The following IQCM variants were observed in gnomAD, a reference collection of about 807,000 sequenced individuals.
IQCM encodes IQ motif containing M.
A neutral mutation model predicts 57.6 loss-of-function variants in IQCM; 45 were observed. The observed-to-expected ratio is 0.78, with a 90% confidence interval of 0.62 to 1.00. The LOEUF (loss-of-function observed/expected upper bound fraction) is 1.00. Ranked by LOEUF, IQCM falls within the 50% of genes least tolerant of loss-of-function variation. The pLI, the probability that IQCM is intolerant of heterozygous loss-of-function variation, is 0.00. For missense variants in IQCM, 468 were observed against 511.6 expected, an observed-to-expected ratio of 0.91 and a Z score of 0.82; for synonymous variants, 148 against 158.9, an observed-to-expected ratio of 0.93 and a Z score of 0.51.
intron 12 of IQCM, among the ~76,000 whole-genome samples, chr4:149,466,905 A>T (rs1738913096): frequency 6.6e-6 from 1 of 152,168 alleles, no homozygotes; most frequent in Non-Finnish European, 1.5e-5. Flanking sequence ...ACAAGACAGA[A>T]GGGACAAAAA....
At chr4:149,805,238 T>C (rs1193020823) in intron 2 of IQCM, among the ~76,000 whole-genome samples, 1 of 152,150 alleles carries the variant, frequency 6.6e-6, no homozygotes, top group African/African-American at 2.4e-5. Context: ...CTATACTGTA[T>C]ATCTACAGTG....
At chr4:149,577,879 T>C (rs1423438864) in intron 9 of IQCM, among the ~76,000 whole-genome samples, 1 of 151,926 alleles carries the variant, frequency 6.6e-6, no homozygotes, top group Non-Finnish European at 1.5e-5. Flanking sequence ...TTCATTTGTT[T>C]GGGTCATCCT....
At chr4:149,488,848 A>C (rs150747994) in intron 12 of IQCM, among the ~76,000 whole-genome samples, 1 of 152,312 alleles carries the variant, frequency 6.6e-6, no homozygotes, top group African/African-American at 2.4e-5. Flanking sequence ...AGGTAACATC[A>C]GCTGATAAAT....
At chr4:149,438,977 T>G (rs1735643055) in intron 12 of IQCM, among the ~76,000 whole-genome samples, 2 of 151,968 alleles carry the variant, frequency 1.3e-5, no homozygotes, top group South Asian at 4.1e-4. Context: ...AATAATAATA[T>G]AAAATGAGGT....
chr4:149,701,768 T>G (rs938580733), intron 5 of IQCM, among the ~76,000 whole-genome samples: 1 of 152,034 alleles, frequency 6.6e-6, no homozygotes, highest in African/African-American at 2.4e-5. Flanking sequence ...GGAATTTTTG[T>G]TTCATTAACA....
intron 13 of IQCM, among the ~76,000 whole-genome samples, chr4:149,419,737 A>G (rs1733995643): frequency 6.6e-6 from 1 of 152,146 alleles, no homozygotes; most frequent in South Asian, 2.1e-4. Context: ...CTTGCAATCT[A>G]CCCATCTGAC....
At chr4:149,552,037 C>G (rs929423773) in intron 11 of IQCM, among the ~76,000 whole-genome samples, 1 of 152,148 alleles carries the variant, frequency 6.6e-6, no homozygotes, top group Admixed American at 6.6e-5. Flanking sequence ...AAAACAATCT[C>G]TCTCTCTTTT....
At chr4:149,397,809 T>C (rs1308808670) in intron 13 of IQCM, among the ~76,000 whole-genome samples, 3 of 152,132 alleles carry the variant, frequency 2.0e-5, no homozygotes, top group East Asian at 3.9e-4. Flanking sequence ...CAGTTCCTTA[T>C]ACATTTCAGA....
rs10020101 is a variant in IQCM at position 149,385,707 on chromosome 4, C to G, written c.1391-33641G>C. 1.0e-2 allele frequency among the ~76,000 whole-genome samples: 1,515 copies of G among 152,158 alleles called. 32 individuals are homozygous for G. The highest frequency in any genetic ancestry group is 0.035 in the African/African-American group (1,440 of 41,526). ...TCTCAAGTCAGAAATCTAATCTTGA[C>G]TCCTCCATTATTAAACCACTGCCAA... On this transcript the variant is annotated intron_variant, in intron 13 of 13. Coordinates refer to ENST00000636793, the MANE Select transcript of IQCM (RefSeq NM_001363507.2).
At chr4:149,567,913 T>C (rs1750785989) in intron 9 of IQCM, among the ~76,000 whole-genome samples, 1 of 152,184 alleles carries the variant, frequency 6.6e-6, no homozygotes, top group South Asian at 2.1e-4. Flanking sequence ...GCTCAAAAGC[T>C]TGCCAGCTCC....
intron 12 of IQCM, among the ~76,000 whole-genome samples, chr4:149,477,515 T>TA (rs997481078): frequency 1.3e-5 from 2 of 152,110 alleles, no homozygotes. Context: ...TATAAGGAAG[T>TA]AAAAATCCAC....
At chr4:149,715,785 A>G (rs1358994122) in intron 5 of IQCM, among the ~76,000 whole-genome samples, 1 of 152,106 alleles carries the variant, frequency 6.6e-6, no homozygotes, top group African/African-American at 2.4e-5. Context: ...TCGGCCAGAC[A>G]TTTGCTCACC....
chr4:149,478,609 TG>T (rs1393044883), intron 12 of IQCM, among the ~76,000 whole-genome samples: 2 of 152,168 alleles, frequency 1.3e-5, no homozygotes, highest in Admixed American at 1.3e-4. Flanking sequence ...TATGCAGATT[TG>T]GACTACCAGG....
intron 6 of IQCM, among the ~76,000 whole-genome samples, chr4:149,686,024 T>G (rs899091163): frequency 1.3e-5 from 2 of 151,544 alleles, no homozygotes; most frequent in Non-Finnish European, 3.0e-5. Flanking sequence ...TATAACTTAC[T>G]CTGCTCCATA....
At chr4:149,600,894 G>A (rs1163548187) in intron 8 of IQCM, among the ~76,000 whole-genome samples, 1 of 152,072 alleles carries the variant, frequency 6.6e-6, no homozygotes, top group Non-Finnish European at 1.5e-5. Flanking sequence ...GGACAATTTT[G>A]ACATCAACTG....
chr4:149,632,061 G>A, intron 7 of IQCM, among the ~76,000 whole-genome samples: 1 of 152,220 alleles, frequency 6.6e-6, no homozygotes, highest in African/African-American at 2.4e-5. Flanking sequence ...AGCAGGCCAT[G>A]TTAGCTGAGA....
intron 10 of IQCM, among the ~76,000 whole-genome samples, chr4:149,554,902 T>G (rs1225831350): frequency 6.6e-6 from 1 of 151,484 alleles, no homozygotes; most frequent in East Asian, 2.0e-4. Flanking sequence ...GGTTTCACCG[T>G]GTTAGCCAGG....
At chr4:149,468,630 T>C (rs939095782) in intron 12 of IQCM, among the ~76,000 whole-genome samples, 1 of 152,124 alleles carries the variant, frequency 6.6e-6, no homozygotes, top group African/African-American at 2.4e-5. Context: ...AGAGTAGTGG[T>C]TCTCCCAGCA....
chr4:149,575,476 T>C (rs1047517463), intron 9 of IQCM, among the ~76,000 whole-genome samples: 3 of 151,868 alleles, frequency 2.0e-5, no homozygotes, highest in Admixed American at 6.6e-5. Context: ...CCTCCTGAAG[T>C]GGAAGATAAT....
Sources: gnomAD v4.1 joint callset for allele counts (sites outside exome capture counted in the v4.1 genomes callset) on GRCh38, gnomAD v4.1.1 for gene constraint, MANE v1.5 for transcripts, NCBI Gene and HGNC (gene_info 2026-07-23, HGNC 2026-07-21) for gene names.